The following MAGI2 variants were observed in gnomAD, a reference collection of about 807,000 sequenced individuals.
MAGI2 encodes membrane-associated guanylate kinase, WW and PDZ domain-containing protein 2.
A neutral mutation model predicts 133.3 loss-of-function variants in MAGI2; 35 were observed. The ratio of observed to expected loss-of-function variants is 0.26; its 90% CI spans 0.20 to 0.35. The LOEUF (loss-of-function observed/expected upper bound fraction) is 0.35, where lower values mean the gene tolerates loss of function less well. Among genes scored for constraint, MAGI2 ranks in the 10% least tolerant of loss-of-function variants. MAGI2 has a pLI of 1.00. For missense variants in MAGI2, 1,636 were observed against 1,863.4 expected (o/e 0.88, Z 2.25); for synonymous variants, 729 against 710.6 (o/e 1.03, Z -0.41).
intron 1 of MAGI2, among the ~76,000 whole-genome samples, chr7:79,185,992 T>C (rs1426592689): frequency 1.3e-5 from 2 of 151,576 alleles, no homozygotes; most frequent in Admixed American, 6.6e-5. Context: ...TTTGTAAAAC[T>C]GTCAGATCTA....
At position 79,453,428 on chromosome 7, in the gene MAGI2, A is replaced by T. The variant is rs1849438113; in HGVS notation, c.-108T>A. On this transcript the variant is annotated 5_prime_UTR_variant, in exon 1 of 22. Transcript: ENST00000354212. Reference sequence around the variant, plus strand: ...GGGGGCCCAGGGGGAAGAACAGCAGACTTTGCCTTCGCCCCCCTCTATTCG... The same window carrying T: ...GGGGGCCCAGGGGGAAGAACAGCAGTCTTTGCCTTCGCCCCCCTCTATTCG... The T allele has an allele frequency of 1.3e-6, 2 of 1,499,626 alleles. No homozygotes were observed. The highest frequency in any genetic ancestry group is 2.8e-5 in the African/African-American group (2 of 71,456). The allele number at this position is 1,499,626 out of a possible 1,614,324, so 92.9% of individuals were successfully genotyped here.
chr7:78,609,343 T>G (rs1806184293), intron 3 of MAGI2, among the ~76,000 whole-genome samples: 1 of 152,130 alleles, frequency 6.6e-6, no homozygotes, highest in Non-Finnish European at 1.5e-5. Flanking sequence ...AATAATAAGG[T>G]CATAATTATG....
At chr7:78,758,464 A>G (rs1824176916) in intron 2 of MAGI2, among the ~76,000 whole-genome samples, 1 of 152,174 alleles carries the variant, frequency 6.6e-6, no homozygotes. Context: ...TCCATTTTTC[A>G]GGACTTCTCT....
At chr7:79,363,505 C>T (rs1423750016) in intron 1 of MAGI2, among the ~76,000 whole-genome samples, 2 of 150,404 alleles carry the variant, frequency 1.3e-5, no homozygotes, top group Non-Finnish European at 3.0e-5. Context: ...CCCAAAATAG[C>T]TAAAGTGATT....
chr7:78,982,428 T>C (rs1464986908), intron 2 of MAGI2, among the ~76,000 whole-genome samples: 2 of 151,940 alleles, frequency 1.3e-5, no homozygotes, highest in Non-Finnish European at 1.5e-5. Flanking sequence ...TATACTTGGC[T>C]TTTTGTAAGC....
intron 6 of MAGI2, among the ~76,000 whole-genome samples, chr7:78,402,708 A>T (rs1291614006): frequency 6.6e-6 from 1 of 152,214 alleles, no homozygotes; most frequent in Non-Finnish European, 1.5e-5. Context: ...ACTAATTTTA[A>T]TTCTTGCTCA....
chr7:78,385,728 G>A (rs973052053), intron 6 of MAGI2, among the ~76,000 whole-genome samples: 18 of 152,102 alleles, frequency 1.2e-4, no homozygotes, highest in African/African-American at 4.1e-4. Context: ...TATAGTGAAC[G>A]TTGACTTGAA....
At chr7:78,156,385 A>G (rs1450340126) in intron 16 of MAGI2, among the ~76,000 whole-genome samples, 1 of 152,196 alleles carries the variant, frequency 6.6e-6, no homozygotes, top group Non-Finnish European at 1.5e-5. Context: ...GGTGGCTCTG[A>G]CTAATGGCTA....
chr7:78,797,282 T>A (rs1294085514), intron 2 of MAGI2, among the ~76,000 whole-genome samples: 3 of 151,954 alleles, frequency 2.0e-5, no homozygotes, highest in Non-Finnish European at 4.4e-5. Flanking sequence ...AAATATAAAA[T>A]TAAAAAAGAT....
Position 78,957,977 on chromosome 7 carries a change from A to AT in MAGI2, c.418+49112dup, listed in dbSNP as rs1489921589. ...TGTAGCTTTTACTTGTGTGTCATTG[A>AT]TTAAGGCAATACCTGTAAGACCCCT... On this transcript the variant is annotated intron_variant, in intron 2 of 21. Transcript: ENST00000354212. Among the ~76,000 whole-genome samples the AT allele has an allele frequency of 2.6e-5, 4 of 152,300 alleles. No individual in the cohort carries two copies. The East Asian group carries it at 7.7e-4, about 29-fold the overall frequency.
chr7:78,765,225 G>A (rs930788667), intron 2 of MAGI2, among the ~76,000 whole-genome samples: 1 of 151,890 alleles, frequency 6.6e-6, no homozygotes, highest in Non-Finnish European at 1.5e-5. Flanking sequence ...AGCCAACCCA[G>A]TGAAGAGAAT....
intron 21 of MAGI2, among the ~76,000 whole-genome samples, chr7:78,070,176 T>C (rs374994349): frequency 0.26 from 6,179 of 23,416 alleles, 236 homozygotes; most frequent in African/African-American, 0.38. Flanking sequence ...CACACACACA[T>C]ATATATATAT....
intron 1 of MAGI2, among the ~76,000 whole-genome samples, chr7:79,422,985 T>A (rs947481038): frequency 6.6e-6 from 1 of 151,934 alleles, no homozygotes; most frequent in African/African-American, 2.4e-5. Flanking sequence ...AACAAACTCA[T>A]GAAACATAAG....
At chr7:79,003,361 GA>G (rs1807090821) in intron 2 of MAGI2, among the ~76,000 whole-genome samples, 1 of 152,038 alleles carries the variant, frequency 6.6e-6, no homozygotes, top group South Asian at 2.1e-4. Flanking sequence ...CTTGTTTTGT[GA>G]AAAAAATTTA....
At chr7:78,481,946 G>T (rs1792429837) in intron 6 of MAGI2, among the ~76,000 whole-genome samples, 1 of 151,876 alleles carries the variant, frequency 6.6e-6, no homozygotes, top group Non-Finnish European at 1.5e-5. Context: ...ATCTGTAAAA[G>T]ATCCTGTTAA....
chr7:79,007,313 T>C, intron 1 of MAGI2, 107 bp from the exon 2 acceptor site: 1 of 623,730 alleles, frequency 1.6e-6, no homozygotes, highest in Non-Finnish European at 2.8e-6. Context: ...AGATGCATTA[T>C]TTCAAAGTGT....
At chr7:79,224,669 C>T (rs2129553660) in intron 1 of MAGI2, among the ~76,000 whole-genome samples, 1 of 151,040 alleles carries the variant, frequency 6.6e-6, no homozygotes, top group South Asian at 2.1e-4. Flanking sequence ...TATGCAACAA[C>T]ATGGGTGACT....
intron 1 of MAGI2, among the ~76,000 whole-genome samples, chr7:79,160,927 C>A (rs1179273134): frequency 1.3e-5 from 2 of 151,976 alleles, no homozygotes; most frequent in Non-Finnish European, 2.9e-5. Context: ...ATTTAGGAAG[C>A]CTTATCAAAT....
chr7:78,913,721 T>G (rs1231838809), intron 2 of MAGI2, among the ~76,000 whole-genome samples: 3 of 152,234 alleles, frequency 2.0e-5, no homozygotes, highest in African/African-American at 7.2e-5. Flanking sequence ...GCATAACAAG[T>G]TAGCACTTAA....
Sources: gnomAD v4.1 joint callset for allele counts (sites outside exome capture counted in the v4.1 genomes callset) on GRCh38, gnomAD v4.1.1 for gene constraint, MANE v1.5 for transcripts, NCBI Gene and HGNC (gene_info 2026-07-23, HGNC 2026-07-21) for gene names.